Variants in MYO3B observed in about 807,000 individuals in gnomAD.
MYO3B encodes myosin IIIB, also known as myosin-IIIb.
MYO3B carries 156 observed loss-of-function variants against 174.6 expected under a neutral mutation model. The observed-to-expected ratio is 0.89, with a 90% confidence interval of 0.78 to 1.02. The LOEUF is 1.02. Ranked by LOEUF, MYO3B falls within the 50% of genes least tolerant of loss-of-function variation. The pLI, the probability that MYO3B is intolerant of heterozygous loss-of-function variation, is 0.00. For missense variants in MYO3B, 1,632 were observed against 1,639.4 expected, an observed-to-expected ratio of 1.00 and a Z score of 0.08; for synonymous variants, 563 against 569.1, an observed-to-expected ratio of 0.99 and a Z score of 0.15.
intron 7 of MYO3B, among the ~76,000 whole-genome samples, chr2:170,237,121 T>C (rs2093078944): frequency 6.6e-6 from 1 of 152,178 alleles, no homozygotes; most frequent in Admixed American, 6.5e-5. Context: ...TCTTTTTGCC[T>C]TTTTCGAATC....
intron 30 of MYO3B, among the ~76,000 whole-genome samples, chr2:170,529,215 G>A (rs1462239386): frequency 2.0e-5 from 3 of 151,932 alleles, no homozygotes; most frequent in African/African-American, 7.3e-5. Context: ...GTTAGAGGTC[G>A]GGAGGAGGAG....
chr2:170,202,165 G>A (rs2092668966), intron 3 of MYO3B, among the ~76,000 whole-genome samples: 1 of 152,196 alleles, frequency 6.6e-6, no homozygotes, highest in South Asian at 2.1e-4. Flanking sequence ...ACTATGAGCT[G>A]AGCCTTGCGC....
chr2:170,445,371 C>G (rs907558328), intron 23 of MYO3B, among the ~76,000 whole-genome samples: 7 of 151,738 alleles, frequency 4.6e-5, no homozygotes, highest in Non-Finnish European at 8.8e-5. Context: ...GACAGAGTTT[C>G]ACTCTTGTTG....
chr2:170,391,984 G>C lies in MYO3B; in HGVS notation c.1676+366G>C, dbSNP rs548448343. 7.0e-4 allele frequency among the ~76,000 whole-genome samples: 107 copies of C among 151,804 alleles called. 1 individual carries two copies. Among genetic ancestry groups the C allele is most frequent in the African/African-American group, 2.6e-3 (106 of 41,248 alleles). The stretch of plus-strand genomic sequence containing the variant: ...AGCCAGGGCAGCATAGTGAGACTCT[G>C]TCTCTACAATTTTTTTTTTAATTAG... On this transcript the variant is annotated intron_variant, in intron 15 of 34. Transcript: ENST00000408978.
rs13413999 is a variant in MYO3B at position 170,206,806 on chromosome 2, C to T, written c.321+6522C>T. On this transcript the variant is annotated intron_variant, in intron 3 of 34. Coordinates refer to ENST00000408978, the MANE Select transcript of MYO3B (RefSeq NM_138995.5). This position sits in a 1 kb window ranked among gnomAD's most constrained non-coding sequence, Gnocchi z 4.3. The stretch of plus-strand genomic sequence containing the variant: ...GCCATGGTAGTGAGGGCAGAGGCTT[C>T]GGAACTGTATTGTAACCACAAAGTC... Among the ~76,000 whole-genome samples the T allele has an allele frequency of 0.044, 6,636 of 152,092 alleles. 408 individuals carry two copies. The highest frequency in any genetic ancestry group is 0.29 in the East Asian group (1,500 of 5,142).
intron 8 of MYO3B, among the ~76,000 whole-genome samples, chr2:170,354,319 T>C (rs1040653486): frequency 2.6e-5 from 4 of 152,200 alleles, no homozygotes; most frequent in Non-Finnish European, 5.9e-5. Flanking sequence ...CAGTGGCCTG[T>C]CTAGAGCAGA....
At chr2:170,563,630 A>G (rs1302731386) in intron 32 of MYO3B, among the ~76,000 whole-genome samples, 2 of 152,168 alleles carry the variant, frequency 1.3e-5, no homozygotes, top group African/African-American at 4.8e-5. Flanking sequence ...ACATACTGAA[A>G]TAGGGTGACT....
At chr2:170,362,282 T>TCTTTA (rs2094167342) in intron 8 of MYO3B, among the ~76,000 whole-genome samples, 1 of 152,214 alleles carries the variant, frequency 6.6e-6, no homozygotes, top group African/African-American at 2.4e-5. Context: ...ATCCCCAAGT[T>TCTTTA]TCCTGCCCAG....
intron 7 of MYO3B, among the ~76,000 whole-genome samples, chr2:170,281,634 A>G (rs930992053): frequency 6.6e-6 from 1 of 152,172 alleles, no homozygotes; most frequent in African/African-American, 2.4e-5. Context: ...GCCCACGTCA[A>G]AAAGTTAAAA....
intron 15 of MYO3B, 39 bp downstream of exon 15, chr2:170,391,657 T>C (rs372506529): frequency 2.3e-4 from 271 of 1,174,008 alleles, no homozygotes; most frequent in Non-Finnish European, 3.2e-4. Flanking sequence ...TTTTGATGAA[T>C]GTACGATTAG....
intron 32 of MYO3B, among the ~76,000 whole-genome samples, chr2:170,642,133 T>A (rs552870985): frequency 6.6e-6 from 1 of 152,248 alleles, no homozygotes; most frequent in East Asian, 1.9e-4. Context: ...AACCAAAGAA[T>A]AGGCCACATA....
At chr2:170,178,407 C>G in intron 1 of MYO3B, 118 bp downstream of exon 1, 1 of 1,298,806 alleles carries the variant, frequency 7.7e-7, no homozygotes, top group Non-Finnish European at 1.1e-6. Context: ...GACAGCCACT[C>G]TGGCTTTGGG....
chr2:170,267,826 T>C (rs1327788269), intron 7 of MYO3B, among the ~76,000 whole-genome samples: 1 of 152,184 alleles, frequency 6.6e-6, no homozygotes, highest in Non-Finnish European at 1.5e-5. Context: ...AAGATATTAG[T>C]GTTCAGAAAA....
intron 7 of MYO3B, among the ~76,000 whole-genome samples, chr2:170,288,075 G>T (rs1017622448): frequency 2.0e-5 from 3 of 151,930 alleles, no homozygotes; most frequent in African/African-American, 4.8e-5. Flanking sequence ...TGTTCCATTT[G>T]TCTATGTGTC....
At chr2:170,628,872 CA>C (rs986480447) in intron 32 of MYO3B, among the ~76,000 whole-genome samples, 2 of 152,126 alleles carry the variant, frequency 1.3e-5, no homozygotes, top group Non-Finnish European at 2.9e-5. Context: ...AGAATCTTCC[CA>C]TAGTCTTTCC....
intron 23 of MYO3B, among the ~76,000 whole-genome samples, chr2:170,452,095 G>T (rs1442628063): frequency 6.6e-6 from 1 of 151,862 alleles, no homozygotes; most frequent in Non-Finnish European, 1.5e-5. Flanking sequence ...CATGCAAAGA[G>T]CCAAGTATCC....
At chr2:170,281,978 GA>G (rs2093514671) in intron 7 of MYO3B, among the ~76,000 whole-genome samples, 1 of 152,054 alleles carries the variant, frequency 6.6e-6, no homozygotes, top group Non-Finnish European at 1.5e-5. Flanking sequence ...GTTGTTGTTT[GA>G]GTTCCTTGTG....
intron 30 of MYO3B, among the ~76,000 whole-genome samples, chr2:170,536,975 G>A (rs149490358): frequency 6.6e-6 from 1 of 151,996 alleles, no homozygotes; most frequent in African/African-American, 2.4e-5. Context: ...TCTGAGGCAG[G>A]TGAATCACGA....
chr2:170,323,515 G>A (rs925630982), intron 7 of MYO3B, among the ~76,000 whole-genome samples: 1 of 152,154 alleles, frequency 6.6e-6, no homozygotes. Context: ...CTAAAGAAGT[G>A]GTGTCTCATT....
Sources: allele counts gnomAD v4.1 joint callset (sites outside exome capture counted in the v4.1 genomes callset), GRCh38; gene constraint gnomAD v4.1.1; non-coding constraint Gnocchi (gnomAD v3.1); transcripts MANE v1.5; gene names NCBI Gene and HGNC (gene_info 2026-07-23, HGNC 2026-07-21).